Variants in CTNNA2 observed in about 807,000 individuals in gnomAD.
CTNNA2 encodes catenin alpha-2.
A neutral mutation model predicts 101.0 loss-of-function variants in CTNNA2; 42 were observed. That is an observed-to-expected ratio of 0.42 (90% CI 0.32 to 0.54). The LOEUF (loss-of-function observed/expected upper bound fraction) is 0.54, where lower values mean the gene tolerates loss of function less well. CTNNA2 is among the 20% of genes least tolerant of loss of function. The pLI is 0.14. For missense variants in CTNNA2, 871 were observed against 1,223.1 expected (o/e 0.71, Z 4.29); for synonymous variants, 450 against 456.4 (o/e 0.99, Z 0.18).
chr2:79,785,127 G>A (rs556934425), intron 3 of CTNNA2, among the ~76,000 whole-genome samples: 1 of 152,202 alleles, frequency 6.6e-6, no homozygotes, highest in South Asian at 2.1e-4. Context: ...CTGCCACCAT[G>A]CTCTCCTCAG....
rs533294745 is a variant in CTNNA2 at position 79,798,288 on chromosome 2, TTTTG to T, written c.298+53718_298+53721del. Among the ~76,000 whole-genome samples the T allele has an allele frequency of 8.5e-5, 13 of 152,296 alleles. No individual in the cohort carries two copies. In the South Asian group the frequency reaches 2.1e-3, roughly 24 times the overall value. Reference sequence around the variant, plus strand: ...GCATCGGACTCCTACTCTAGTGCTTTTTTGTTTGTTTGTTTCATCACTATACTAA... The same window carrying T: ...GCATCGGACTCCTACTCTAGTGCTTTTTTGTTTGTTTCATCACTATACTAA... On this transcript the variant is annotated intron_variant, in intron 3 of 18. Transcript: ENST00000402739.
Position 79,618,444 on chromosome 2 carries a change from G to A in CTNNA2, c.-5-33108G>A, listed in dbSNP as rs145505715. On this transcript the variant is annotated intron_variant, in intron 1 of 18. Transcript: ENST00000402739. The stretch of plus-strand genomic sequence containing the variant: ...AGGTTGCTAGTTTGAGGTTACTTTT[G>A]AGGTATTAGAATTTATTTTTTTTAA... Among the ~76,000 whole-genome samples, 117 of 152,158 alleles carry A rather than the reference G, an allele frequency of 7.7e-4. 1 individual carries two copies. The highest frequency in any genetic ancestry group is 2.7e-3 in the African/African-American group (112 of 41,508).
intron 2 of CTNNA2, among the ~76,000 whole-genome samples, chr2:79,212,915 G>T (rs1315413999): frequency 1.3e-5 from 2 of 152,170 alleles, no homozygotes; most frequent in Non-Finnish European, 2.9e-5. Flanking sequence ...ACACTGAGAA[G>T]TGATTTCCTT....
chr2:79,415,120 G>A lies in CTNNA2; in HGVS notation c.-135+41107G>A, dbSNP rs887889315. 2.2e-4 allele frequency among the ~76,000 whole-genome samples: 33 copies of A among 152,112 alleles called. 1 individual carries two copies. Among genetic ancestry groups the A allele is most frequent in the Non-Finnish European group, 5.9e-5 (4 of 68,022 alleles). On this transcript the variant is annotated intron_variant, in intron 4 of 21. Transcript: ENST00000466387. ...TCAGTGTTGGAAATGGGGCCTAATG[G>A]GAGGTATTGGATCATGGCAATAGGT...
At chr2:80,039,588 C>A (rs555431190) in intron 7 of CTNNA2, among the ~76,000 whole-genome samples, 2 of 152,330 alleles carry the variant, frequency 1.3e-5, no homozygotes, top group Admixed American at 1.3e-4. Flanking sequence ...CATCTTCCGT[C>A]TGACTCCAGT....
chr2:80,050,794 G>C (rs915637867), intron 7 of CTNNA2, among the ~76,000 whole-genome samples: 10 of 152,186 alleles, frequency 6.6e-5, no homozygotes, highest in African/African-American at 2.4e-4. Flanking sequence ...TCAACTTCCA[G>C]GGATCAAGCA....
At chr2:80,413,550 T>A (rs1679778931) in intron 8 of CTNNA2, among the ~76,000 whole-genome samples, 2 of 152,152 alleles carry the variant, frequency 1.3e-5, no homozygotes, top group African/African-American at 4.8e-5. Flanking sequence ...TGTGCATTGA[T>A]GGCACCTTGG....
At chr2:79,608,665 C>A (rs1678061977) in intron 1 of CTNNA2, among the ~76,000 whole-genome samples, 1 of 152,046 alleles carries the variant, frequency 6.6e-6, no homozygotes, top group Non-Finnish European at 1.5e-5. Context: ...ACTACATGAT[C>A]ACCTTAGTGG....
chr2:79,716,683 G>A (rs895484856), intron 2 of CTNNA2, among the ~76,000 whole-genome samples: 1 of 152,132 alleles, frequency 6.6e-6, no homozygotes, highest in Non-Finnish European at 1.5e-5. Context: ...TCCAGGAGGG[G>A]TGTCCTGGGA....
chr2:80,308,066 T>C (rs1677198090), intron 7 of CTNNA2, among the ~76,000 whole-genome samples: 1 of 152,014 alleles, frequency 6.6e-6, no homozygotes, highest in Non-Finnish European at 1.5e-5. Flanking sequence ...TCCTTCTCTC[T>C]TCAACCTTGT....
chr2:79,189,050 A>T (rs1673818743), intron 1 of CTNNA2, among the ~76,000 whole-genome samples: 1 of 152,196 alleles, frequency 6.6e-6, no homozygotes, highest in Non-Finnish European at 1.5e-5. Flanking sequence ...ATACTTGTTG[A>T]ATCAATTTCT....
chr2:80,008,650 C>A (rs2104004212), intron 7 of CTNNA2, among the ~76,000 whole-genome samples: 1 of 152,272 alleles, frequency 6.6e-6, no homozygotes, highest in African/African-American at 2.4e-5. Context: ...GTCAGACTGC[C>A]TGGGTTTGTA....
intron 3 of CTNNA2, among the ~76,000 whole-genome samples, chr2:79,343,753 T>G (rs1573100396): frequency 7.6e-6 from 1 of 131,026 alleles, no homozygotes; most frequent in Non-Finnish European, 1.7e-5. Context: ...TTATTATTAT[T>G]ATTATTTGCT....
intron 2 of CTNNA2, among the ~76,000 whole-genome samples, chr2:79,264,077 A>G (rs1674958983): frequency 6.6e-6 from 1 of 152,188 alleles, no homozygotes; most frequent in African/African-American, 2.4e-5. Context: ...AGTGAGTGGA[A>G]CAATGTTTGT....
chr2:79,796,891 CA>C (rs1675750495), intron 3 of CTNNA2, among the ~76,000 whole-genome samples: 1 of 152,126 alleles, frequency 6.6e-6, no homozygotes, highest in Non-Finnish European at 1.5e-5. Context: ...GGAGATGGAA[CA>C]GTGCAGGGAT....
At chr2:79,482,482 T>C (rs1434323577) in intron 4 of CTNNA2, among the ~76,000 whole-genome samples, 1 of 152,150 alleles carries the variant, frequency 6.6e-6, no homozygotes, top group Non-Finnish European at 1.5e-5. Context: ...TTAGGAATTG[T>C]GGCAGCGCAG....
At chr2:80,574,783 T>A (rs532681554) in intron 13 of CTNNA2, among the ~76,000 whole-genome samples, 5 of 152,192 alleles carry the variant, frequency 3.3e-5, no homozygotes, top group Non-Finnish European at 7.3e-5. Context: ...ACATTATAAA[T>A]AAGGCTGGAT....
intron 14 of CTNNA2, among the ~76,000 whole-genome samples, chr2:80,585,944 G>A (rs1457805561): frequency 6.6e-6 from 1 of 152,176 alleles, no homozygotes; most frequent in Non-Finnish European, 1.5e-5. Flanking sequence ...ACCATTAAGT[G>A]TATTATGCAG....
At chr2:80,026,352 C>A (rs945069688) in intron 7 of CTNNA2, among the ~76,000 whole-genome samples, 1 of 152,060 alleles carries the variant, frequency 6.6e-6, no homozygotes, top group African/African-American at 2.4e-5. Context: ...ATTCAATGAC[C>A]CTAAGTATTC....
Sources: gnomAD v4.1 joint callset for allele counts (sites outside exome capture counted in the v4.1 genomes callset) on GRCh38, gnomAD v4.1.1 for gene constraint, MANE v1.5 for transcripts, NCBI Gene and HGNC (gene_info 2026-07-23, HGNC 2026-07-21) for gene names.